The following IL15RA variants were observed in gnomAD, a reference collection of about 807,000 sequenced individuals.
IL15RA encodes interleukin-15 receptor subunit alpha.
IL15RA carries 26 observed loss-of-function variants against 24.2 expected under a neutral mutation model. The ratio of observed to expected loss-of-function variants is 1.07; its 90% CI spans 0.79 to 1.49. The LOEUF is 1.49. Among genes scored for constraint, IL15RA ranks in the 40% most tolerant of loss-of-function variants. The probability of loss-of-function intolerance (pLI) is 0.00; values close to 1 mark genes in which losing one functional copy is unlikely to be tolerated. For missense variants in IL15RA, 354 were observed against 356.4 expected, an observed-to-expected ratio of 0.99 and a Z score of 0.05; for synonymous variants, 166 against 157.6, an observed-to-expected ratio of 1.05 and a Z score of -0.40.
In IL15RA at chr10:5,965,202, G is replaced by A. The variant is rs1836305768; in HGVS notation, c.283+943C>T. On this transcript the variant is annotated intron_variant, in intron 2 of 6. Transcript: ENST00000379977. The surrounding 1 kb of genome is among the most constrained non-coding windows in gnomAD (Gnocchi z 5.8). ...ACCCGAGATGGTTTGGCTGCTTCTG[G>A]GACGTTTATCCAGGTGCAGACAGTT... Among the ~76,000 whole-genome samples, 1 of 150,074 alleles carries A rather than the reference G, an allele frequency of 6.7e-6. No individual in the cohort carries two copies. Among genetic ancestry groups the A allele is most frequent in the South Asian group, 2.2e-4 (1 of 4,650 alleles).
At chr10:5,951,533 A>T (rs41294031), downstream of IL15RA, among the ~76,000 whole-genome samples, 9,298 of 152,130 alleles carry the variant, frequency 0.061, 464 homozygotes, top group African/African-American at 0.13. Flanking sequence ...TTTGTTTTTT[A>T]AAAAAATTTT....
In IL15RA at chr10:5,958,500, C is replaced by G. The variant is rs1039136376; in HGVS notation, c.616+1254G>C. On this transcript the variant is annotated intron_variant, in intron 5 of 6. Coordinates refer to ENST00000379977, the MANE Select transcript of IL15RA (RefSeq NM_002189.4). This position sits in a 1 kb window ranked among gnomAD's most constrained non-coding sequence, Gnocchi z 4.3. ...TCCTGGGTTCCAGCAATTCTCCCAC[C>G]TCAGCATCCCGAGTAGGTGGGACTA... The G allele has an allele frequency of 7.6e-6, 2 of 262,034 alleles. No homozygotes were observed. The highest frequency in any genetic ancestry group is 7.1e-5 in the South Asian group (2 of 28,246). The allele number at this position is 262,034 out of a possible 1,614,324, so 16.2% of individuals were successfully genotyped here. A position where few individuals can be genotyped will look rare whatever the true frequency, so the allele number is the denominator to read the frequency against.
At position 5,953,476 on chromosome 10, in the gene IL15RA, G is replaced by T. The variant is rs1589150892; in HGVS notation, c.693-270C>A. The T allele has an allele frequency of 2.8e-5, 18 of 644,868 alleles. No individual in the cohort carries two copies. The East Asian group carries it at 4.9e-4, about 18-fold the overall frequency. 39.9% of individuals were successfully genotyped at this position (644,868 alleles called of 1,614,324 possible). ...CTAGCACTTTAGGAGGCTGTCGTGG[G>T]AGGATCGCTTGAGCCCAGAAGTTCA... On this transcript the variant is annotated intron_variant, in intron 6 of 6. Coordinates refer to ENST00000379977, the MANE Select transcript of IL15RA (RefSeq NM_002189.4). This position sits in a 1 kb window ranked among gnomAD's most constrained non-coding sequence, Gnocchi z 5.3.
upstream of IL15RA, chr10:5,977,631 C>G (rs1466416277): frequency 7.9e-7 from 1 of 1,261,694 alleles, no homozygotes; most frequent in Non-Finnish European, 1.0e-6. Flanking sequence ...CCCGAGGGCT[C>G]GGAGAGGTGC....
In IL15RA at chr10:5,953,023, T is replaced by C; in HGVS notation, c.*72A>G. On this transcript the variant is annotated 3_prime_UTR_variant, in exon 7 of 7. Coordinates refer to ENST00000379977, the MANE Select transcript of IL15RA (RefSeq NM_002189.4). This position sits in a 1 kb window ranked among gnomAD's most constrained non-coding sequence, Gnocchi z 5.3. Reference sequence around the variant, plus strand: ...CCTGGAGCCCGCTTCCTTGCACCTCTTCTCAGTCGTCTTTAGCTAAAGCAG... The same window carrying C: ...CCTGGAGCCCGCTTCCTTGCACCTCCTCTCAGTCGTCTTTAGCTAAAGCAG... 2 of 1,141,694 alleles carry C rather than the reference T, an allele frequency of 1.8e-6. No homozygotes were observed. The highest frequency in any genetic ancestry group is 1.8e-5 in the Admixed American group (1 of 55,988). The allele number at this position is 1,141,694 out of a possible 1,614,324, so 70.7% of individuals were successfully genotyped here.
At chr10:5,969,426 G>A (rs1837223117) in intron 1 of IL15RA, among the ~76,000 whole-genome samples, 1 of 152,004 alleles carries the variant, frequency 6.6e-6, no homozygotes, top group Admixed American at 6.6e-5. Flanking sequence ...AGCGGGGAGT[G>A]CAGTGGCATG....
Position 5,977,387 on chromosome 10 carries a change from C to T in IL15RA, c.88+18G>A. 8.1e-7 allele frequency: 1 copy of T among 1,240,908 alleles called. No homozygotes were observed. The highest frequency in any genetic ancestry group is 1.0e-6 in the Non-Finnish European group (1 of 968,994). 76.9% of individuals were successfully genotyped at this position (1,240,908 alleles called of 1,614,324 possible). A position where few individuals can be genotyped will look rare whatever the true frequency, so the allele number is the denominator to read the frequency against. The stretch of plus-strand genomic sequence containing the variant: ...CCTTCCAAGTCCCGCCCGGGCGCCC[C>T]TGCTCCCAGCTCCCTACCCCGCGTC... On this transcript the variant is annotated intron_variant, in intron 1 of 6. Coordinates refer to ENST00000379977, the MANE Select transcript of IL15RA (RefSeq NM_002189.4).
rs746829841 is a variant in IL15RA, at chr10:5,958,579, G to GT, written c.616+1174dup. The stretch of plus-strand genomic sequence containing the variant: ...TTTTTGTATTTTTAGTAAAGATGGG[G>GT]TTTTGTCATGTTGTCCAGGCTGGTC... On this transcript the variant is annotated intron_variant, in intron 5 of 6. Coordinates refer to ENST00000379977, the MANE Select transcript of IL15RA (RefSeq NM_002189.4). This position sits in a 1 kb window ranked among gnomAD's most constrained non-coding sequence, Gnocchi z 4.3. Among the ~76,000 whole-genome samples the GT allele has an allele frequency of 6.6e-6, 1 of 152,156 alleles. No individual in the cohort carries two copies. Among genetic ancestry groups the GT allele is most frequent in the Non-Finnish European group, 1.5e-5 (1 of 68,034 alleles).
rs1564513769 is a variant in IL15RA, at chr10:5,968,909, A to T, written c.89-2570T>A. ...ATATTCTGCTCCTTCCCGCCAGGACAGCCAGCCTGTCTCTTGCATCTGTAA... is the reference window on the plus strand; with the variant it reads ...ATATTCTGCTCCTTCCCGCCAGGACTGCCAGCCTGTCTCTTGCATCTGTAA... On this transcript the variant is annotated intron_variant, in intron 1 of 6. Transcript: ENST00000379977. The surrounding 1 kb of genome is among the most constrained non-coding windows in gnomAD (Gnocchi z 5.4). The T allele has an allele frequency of 6.7e-7, 1 of 1,500,838 alleles. No individual in the cohort carries two copies. Among genetic ancestry groups the T allele is most frequent in the South Asian group, 1.2e-5 (1 of 83,360 alleles). 93.0% of individuals were successfully genotyped at this position (1,500,838 alleles called of 1,614,324 possible). A position where few individuals can be genotyped will look rare whatever the true frequency, so the allele number is the denominator to read the frequency against.
In IL15RA at chr10:5,973,778, A is replaced by G. The variant is rs566417743; in HGVS notation, c.88+3627T>C. ...TAGGCTAGGCAAATATTTCTTAGAT[A>G]TGACACCAAAAGCCCAAAACACAAC... On this transcript the variant is annotated intron_variant, in intron 1 of 6. Coordinates refer to ENST00000379977, the MANE Select transcript of IL15RA (RefSeq NM_002189.4). This position sits in a 1 kb window ranked among gnomAD's most constrained non-coding sequence, Gnocchi z 4.5. Among the ~76,000 whole-genome samples, 2 of 152,374 alleles carry G rather than the reference A, an allele frequency of 1.3e-5. No homozygotes were observed. Among genetic ancestry groups the G allele is most frequent in the Admixed American group, 6.5e-5 (1 of 15,306 alleles).
In IL15RA at chr10:5,968,603, C is replaced by A; in HGVS notation, c.89-2264G>T. The A allele has an allele frequency of 6.8e-6, 4 of 591,370 alleles. No homozygotes were observed. The highest frequency in any genetic ancestry group is 6.2e-5 in the South Asian group (3 of 48,512). The allele number at this position is 591,370 out of a possible 1,614,324, so 36.6% of individuals were successfully genotyped here. A position where few individuals can be genotyped will look rare whatever the true frequency, so the allele number is the denominator to read the frequency against. On this transcript the variant is annotated intron_variant, in intron 1 of 6. Transcript: ENST00000379977. This position sits in a 1 kb window ranked among gnomAD's most constrained non-coding sequence, Gnocchi z 5.4. The stretch of plus-strand genomic sequence containing the variant: ...CTGTTGCTATGGTTACCTGCAGAGC[C>A]CCACTGGCTTTGAGGCCTCTGGTGC...
chr10:5,956,393 G>A lies in IL15RA; in HGVS notation c.678C>T (p.Cys226=), dbSNP rs747528437. 2 of 1,613,396 alleles carry A rather than the reference G, an allele frequency of 1.2e-6. No homozygotes were observed. The highest frequency in any genetic ancestry group is 1.7e-6 in the Non-Finnish European group (2 of 1,179,364). The change falls in exon 6 of 7, where the codon TGC becomes TGT. Residue 226 remains cysteine, a synonymous_variant. Coordinates refer to ENST00000379977, the MANE Select transcript of IL15RA (RefSeq NM_002189.4). ...CGLSAVSLLA[C]YLKSRQTPPL... is the part of the protein sequence containing the mutation. ...GTGCAACTCACCTTGACTTGAGGTAGCATGCCAGGAGAGACACAGCGCTCA... is the reference window on the plus strand; with the variant it reads ...GTGCAACTCACCTTGACTTGAGGTAACATGCCAGGAGAGACACAGCGCTCA...
chr10:5,972,046 C>T (rs1028480767), intron 1 of IL15RA, among the ~76,000 whole-genome samples: 27 of 152,354 alleles, frequency 1.8e-4, no homozygotes, highest in African/African-American at 5.3e-4. Context: ...ATTGACACCG[C>T]CTGTGTTCAG....
At chr10:5,957,390 C>G (rs1440082757) in intron 5 of IL15RA, among the ~76,000 whole-genome samples, 1 of 152,068 alleles carries the variant, frequency 6.6e-6, no homozygotes, top group Non-Finnish European at 1.5e-5. Context: ...ATTCTCCTGC[C>G]TCAGCCTCCC....
rs117183219 is a variant in IL15RA at position 5,974,832 on chromosome 10, G to A, written c.88+2573C>T. On this transcript the variant is annotated intron_variant, in intron 1 of 6. Coordinates refer to ENST00000379977, the MANE Select transcript of IL15RA (RefSeq NM_002189.4). ...GCAGAGGTTTCAGTGAGCAGAGATG[G>A]AGCCACTGCACTTCAGTCTGGGCAA... Among the ~76,000 whole-genome samples, 929 of 152,170 alleles carry A rather than the reference G, an allele frequency of 6.1e-3. 14 individuals are homozygous for A. Among genetic ancestry groups the A allele is most frequent in the South Asian group, 0.045 (218 of 4,814 alleles).
At position 5,953,093 on chromosome 10, in the gene IL15RA, T is replaced by C. The variant is rs1834025487; in HGVS notation, c.*2A>G. 1 of 1,609,202 alleles carries C rather than the reference T, an allele frequency of 6.2e-7. No individual in the cohort carries two copies. The highest frequency in any genetic ancestry group is 8.5e-7 in the Non-Finnish European group (1 of 1,175,492). The stretch of plus-strand genomic sequence containing the variant: ...ACTTAGCTGGGCTGGTTTCCCCGAG[T>C]TTCATAGGTGGTGAGAGCAGTTTTC... On this transcript the variant is annotated 3_prime_UTR_variant, in exon 7 of 7. Coordinates refer to ENST00000379977, the MANE Select transcript of IL15RA (RefSeq NM_002189.4). The surrounding 1 kb of genome is among the most constrained non-coding windows in gnomAD (Gnocchi z 5.3).
chr10:5,966,691 G>A lies in IL15RA; in HGVS notation c.89-352C>T, dbSNP rs999179391. ...ACCCAGCCTCCAATTCTCACTGAAC[G>A]ACAGCAAGTGCCTCCAGATAGGCCC... is the stretch of plus-strand genomic sequence containing the variant. On this transcript the variant is annotated intron_variant, in intron 1 of 6. Transcript: ENST00000379977. The surrounding 1 kb of genome is among the most constrained non-coding windows in gnomAD (Gnocchi z 6.4). Among the ~76,000 whole-genome samples, 2 of 151,960 alleles carry A rather than the reference G, an allele frequency of 1.3e-5. No individual in the cohort carries two copies. The highest frequency in any genetic ancestry group is 4.8e-5 in the African/African-American group (2 of 41,382).
At chr10:5,976,128 T>C (rs1038705529) in intron 1 of IL15RA, among the ~76,000 whole-genome samples, 1 of 152,204 alleles carries the variant, frequency 6.6e-6, no homozygotes, top group African/African-American at 2.4e-5. Context: ...GCTGCCCCAG[T>C]TGCCAGCTAT....
downstream of IL15RA, among the ~76,000 whole-genome samples, chr10:5,952,096 C>T (rs1833916598): frequency 6.6e-6 from 1 of 152,102 alleles, no homozygotes; most frequent in African/African-American, 2.4e-5. Context: ...AAATAAATGT[C>T]AAAAACAGCA....
Sources: allele counts gnomAD v4.1 joint callset (sites outside exome capture counted in the v4.1 genomes callset), GRCh38; gene constraint gnomAD v4.1.1; non-coding constraint Gnocchi (gnomAD v3.1); transcripts MANE v1.5; gene names NCBI Gene and HGNC (gene_info 2026-07-23, HGNC 2026-07-21).